TMEM182: variants seen among roughly 807,000 people sequenced by gnomAD.
TMEM182 encodes the protein transmembrane protein 182.
In TMEM182, 20 loss-of-function variants were observed where a neutral mutation model predicts 26.8. The observed-to-expected ratio is 0.75, with a 90% CI of 0.53 to 1.09. TMEM182 has a LOEUF of 1.09. Ranked by LOEUF, TMEM182 falls within the 50% of genes least tolerant of loss-of-function variation. The pLI is 0.00. For missense variants in TMEM182, 277 were observed against 275.5 expected (o/e 1.01, Z -0.04); for synonymous variants, 109 against 102.2 (o/e 1.07, Z -0.40).
At chr2:102,843,807 A>G (rs1403178800) in exon 4 of TMEM182, 1 of 152,246 alleles carries the variant, frequency 6.6e-6, no homozygotes, top group Non-Finnish European at 1.5e-5. Flanking sequence ...ATACCTGCTT[A>G]TATTTCTAAT....
chr2:102,754,010 G>A (rs140590879), intron 1 of TMEM182, among the ~76,000 whole-genome samples: 5 of 152,258 alleles, frequency 3.3e-5, no homozygotes, highest in East Asian at 1.9e-4. Context: ...TAGAGAGGAC[G>A]CCACACAAGA....
At chr2:102,768,345 G>A (rs1313755129) in intron 3 of TMEM182, among the ~76,000 whole-genome samples, 3 of 152,074 alleles carry the variant, frequency 2.0e-5, no homozygotes, top group East Asian at 3.9e-4. Context: ...CACTATTGAT[G>A]TGCAGAATTT....
intron 3 of TMEM182, among the ~76,000 whole-genome samples, chr2:102,830,718 A>T (rs968420556): frequency 6.6e-6 from 1 of 152,178 alleles, no homozygotes; most frequent in Non-Finnish European, 1.5e-5. Flanking sequence ...TGTTTAAGTT[A>T]TTGAAAAATA....
At chr2:102,772,843 T>G (rs970915043) in intron 3 of TMEM182, among the ~76,000 whole-genome samples, 9 of 152,184 alleles carry the variant, frequency 5.9e-5, no homozygotes, top group Non-Finnish European at 1.2e-4. Flanking sequence ...ATTCTTATGA[T>G]GATATACCAA....
chr2:102,762,356 CTCT>C lies in TMEM182; in HGVS notation c.132+13_132+15del, dbSNP rs1558757228. The C allele has an allele frequency of 1.2e-6, 2 of 1,613,574 alleles. No homozygotes were observed. The highest frequency in any genetic ancestry group is 8.5e-7 in the Non-Finnish European group (1 of 1,179,860). On this transcript the variant is annotated splice_region_variant and intron_variant, in intron 1 of 4. Coordinates refer to ENST00000412401, the MANE Select transcript of TMEM182 (RefSeq NM_144632.5). Reference sequence around the variant, plus strand: ...ATGTTCAGGTGAAAAGAATGTGAGTCTCTTCTTCAAAATAGTGATGCACATGGT... The same window carrying C: ...ATGTTCAGGTGAAAAGAATGTGAGTCTCTTCAAAATAGTGATGCACATGGT...
chr2:102,777,705 C>T (rs1680978974), intron 3 of TMEM182, among the ~76,000 whole-genome samples: 1 of 151,346 alleles, frequency 6.6e-6, no homozygotes, highest in South Asian at 2.1e-4. Context: ...ATGTCATTTG[C>T]AAATAGGGAC....
At chr2:102,831,445 T>A (rs1257354398) in intron 3 of TMEM182, among the ~76,000 whole-genome samples, 2 of 152,170 alleles carry the variant, frequency 1.3e-5, no homozygotes, top group Non-Finnish European at 2.9e-5. Context: ...TGTGTTAACA[T>A]GCAGTCATCT....
intron 3 of TMEM182, among the ~76,000 whole-genome samples, chr2:102,767,211 G>T (rs1680488802): frequency 6.6e-6 from 1 of 152,158 alleles, no homozygotes; most frequent in African/African-American, 2.4e-5. Flanking sequence ...TTGTGTGTAT[G>T]ATCAGGTCTA....
At chr2:102,794,202 A>G (rs1431841986) in intron 3 of TMEM182, among the ~76,000 whole-genome samples, 5 of 152,248 alleles carry the variant, frequency 3.3e-5, no homozygotes, top group African/African-American at 9.6e-5. Context: ...ACAGAAAAAG[A>G]GACTTCTAGG....
intron 3 of TMEM182, among the ~76,000 whole-genome samples, chr2:102,781,564 G>A (rs989842435): frequency 6.6e-6 from 1 of 152,086 alleles, no homozygotes; most frequent in Non-Finnish European, 1.5e-5. Context: ...CAAGGACTGA[G>A]CCCTAGGATG....
chr2:102,759,423 A>T (rs117497779), upstream of TMEM182, among the ~76,000 whole-genome samples: 48 of 152,214 alleles, frequency 3.2e-4, no homozygotes, highest in East Asian at 8.9e-3. Context: ...TTGTTCTAAC[A>T]AATCTTTTTT....
At chr2:102,789,139 A>G (rs995999285) in intron 3 of TMEM182, among the ~76,000 whole-genome samples, 19 of 152,150 alleles carry the variant, frequency 1.2e-4, no homozygotes, top group Admixed American at 6.5e-5. Context: ...TTTTGGCTTC[A>G]TTTGGAACAT....
intron 1 of TMEM182, among the ~76,000 whole-genome samples, chr2:102,749,356 A>G (rs949724216): frequency 6.6e-6 from 1 of 152,166 alleles, no homozygotes; most frequent in South Asian, 2.1e-4. Flanking sequence ...TATATATTCC[A>G]TTTAGATGAA....
downstream of TMEM182, among the ~76,000 whole-genome samples, chr2:102,822,302 C>G (rs557798455): frequency 1.3e-4 from 20 of 152,014 alleles, no homozygotes; most frequent in East Asian, 3.9e-3. Flanking sequence ...CAGGGGAGGA[C>G]AAGTGGAAGA....
intron 3 of TMEM182, among the ~76,000 whole-genome samples, chr2:102,830,740 T>C (rs1325371382): frequency 6.6e-6 from 1 of 152,188 alleles, no homozygotes; most frequent in African/African-American, 2.4e-5. Context: ...ACAATTAAGT[T>C]ATTATTGATT....
At chr2:102,836,378 C>T (rs1053328448) in intron 3 of TMEM182, among the ~76,000 whole-genome samples, 2 of 152,160 alleles carry the variant, frequency 1.3e-5, no homozygotes, top group Non-Finnish European at 2.9e-5. Flanking sequence ...CCTGTTGTTC[C>T]ACATCCTCAC....
chr2:102,837,717 G>A (rs1219161143), intron 3 of TMEM182, among the ~76,000 whole-genome samples: 1 of 152,206 alleles, frequency 6.6e-6, no homozygotes, highest in African/African-American at 2.4e-5. Flanking sequence ...GAATGGGGCT[G>A]ATGGGCCCTG....
intron 1 of TMEM182, among the ~76,000 whole-genome samples, chr2:102,738,406 A>C (rs989432719): frequency 2.4e-4 from 36 of 152,180 alleles, no homozygotes; most frequent in African/African-American, 7.5e-4. Context: ...TATCCTGGCC[A>C]ACATGGTGAA....
At chr2:102,824,573 C>T (rs1682994764) in intron 3 of TMEM182, among the ~76,000 whole-genome samples, 1 of 152,048 alleles carries the variant, frequency 6.6e-6, no homozygotes, top group Admixed American at 6.6e-5. Context: ...GCCTGTAATC[C>T]CAGCACTTTG....
Sources: allele counts gnomAD v4.1 joint callset (sites outside exome capture counted in the v4.1 genomes callset), GRCh38; gene constraint gnomAD v4.1.1; transcripts MANE v1.5; gene names NCBI Gene and HGNC (gene_info 2026-07-23, HGNC 2026-07-21).